Variants in TOGARAM2 observed in about 807,000 individuals in gnomAD.
The protein encoded by TOGARAM2 is TOG array regulator of axonemal microtubules 2.
TOGARAM2 carries 85 observed loss-of-function variants against 93.3 expected under a neutral mutation model. The ratio of observed to expected loss-of-function variants is 0.91; its 90% confidence interval spans 0.76 to 1.09. The LOEUF (loss-of-function observed/expected upper bound fraction) is 1.09, where lower values mean the gene tolerates loss of function less well. Among genes scored for constraint, TOGARAM2 ranks in the 50% least tolerant of loss-of-function variants. The pLI, the probability that TOGARAM2 is intolerant of heterozygous loss-of-function variation, is 0.00. For synonymous variants in TOGARAM2, 593 were observed against 552.8 expected, an observed-to-expected ratio of 1.07 and a Z score of -1.02; for missense variants, 1,277 against 1,334.5, an observed-to-expected ratio of 0.96 and a Z score of 0.67.
rs116536567 is a variant in TOGARAM2 at position 28,988,500 on chromosome 2, G to A, written c.-110-6225G>A. On this transcript the variant is annotated intron_variant, in intron 1 of 19. Coordinates refer to ENST00000379558, the MANE Select transcript of TOGARAM2 (RefSeq NM_199280.4). ...CCTCAGCTGTTAGCACTGGGCTCCCGCTCCATCAGCTCCCCTCCCTCCCCT... is the reference window on the plus strand; with the variant it reads ...CCTCAGCTGTTAGCACTGGGCTCCCACTCCATCAGCTCCCCTCCCTCCCCT... 1.3e-3 allele frequency among the ~76,000 whole-genome samples: 204 copies of A among 152,100 alleles called. 1 individual carries two copies. Among genetic ancestry groups the A allele is most frequent in the African/African-American group, 4.6e-3 (189 of 41,480 alleles).
At position 29,042,432 on chromosome 2, in the gene TOGARAM2, C is replaced by T. The variant is rs535622581; in HGVS notation, c.2636-2892C>T. 2.0e-5 allele frequency among the ~76,000 whole-genome samples: 3 copies of T among 152,324 alleles called. No individual in the cohort carries two copies. The East Asian group carries it at 5.8e-4, about 29-fold the overall frequency. On this transcript the variant is annotated intron_variant, in intron 18 of 19. Transcript: ENST00000379558. ...TCTGGGGAGAGGGGATGTTTGGGGC[C>T]AGAGGCGGGAGCCCCTGCTGTGTCT...
chr2:28,991,428 G>A (rs958129459), intron 1 of TOGARAM2, among the ~76,000 whole-genome samples: 4 of 152,204 alleles, frequency 2.6e-5, no homozygotes, highest in South Asian at 2.1e-4. Context: ...TGTAAACGCT[G>A]CCACCTTTCC....
chr2:29,023,067 G>A lies in TOGARAM2; in HGVS notation c.1512-19G>A, dbSNP rs13420380. 517,564 of 1,568,102 alleles carry A rather than the reference G, an allele frequency of 0.33. 89,747 individuals are homozygous for A. The highest frequency in any genetic ancestry group is 0.72 in the East Asian group (31,115 of 42,972). On this transcript the variant is annotated intron_variant, in intron 11 of 19. Coordinates refer to ENST00000379558, the MANE Select transcript of TOGARAM2 (RefSeq NM_199280.4). The stretch of plus-strand genomic sequence containing the variant: ...TCCCTCTCCACCCTTCTGCAACAGG[G>A]CCTGGCCTTGCTTCTCAGGCAGATG...
chr2:29,011,381 C>G, intron 6 of TOGARAM2, 74 bp from the exon 7 acceptor site: 5 of 1,460,218 alleles, frequency 3.4e-6, no homozygotes, highest in Non-Finnish European at 4.7e-6. Flanking sequence ...ATCCTGGAGC[C>G]ACCCTGGGCT....
At position 29,023,093 on chromosome 2, in the gene TOGARAM2, A is replaced by G. The variant is rs759338516; in HGVS notation, c.1519A>G (p.Lys507Glu). 11 of 1,592,816 alleles carry G rather than the reference A, an allele frequency of 6.9e-6. No individual in the cohort carries two copies. The highest frequency in any genetic ancestry group is 7.7e-6 in the Non-Finnish European group (9 of 1,169,524). ...CCTGGCCTTGCTTCTCAGGCAGATG[A>G]AGGAGAAGGGTCTGGTGAGCATCCA... Reference protein sequence around the residue: ...QCLNSSDWQMKEKGLVSIQRL... With the variant: ...QCLNSSDWQMEEKGLVSIQRL... The change falls in exon 12 of 20, where the codon AAG becomes GAG. Residue 507 changes from lysine (K) to glutamate (E), a missense_variant. Transcript: ENST00000379558.
upstream of TOGARAM2, among the ~76,000 whole-genome samples, chr2:28,979,867 G>A (rs1231930671): frequency 6.6e-6 from 1 of 152,216 alleles, no homozygotes; most frequent in Non-Finnish European, 1.5e-5. Flanking sequence ...GCGACATGCA[G>A]ATGGGCTTTG....
At chr2:29,033,728 C>T (rs964052376) in intron 16 of TOGARAM2, among the ~76,000 whole-genome samples, 165 bp downstream of exon 16, 4 of 152,156 alleles carry the variant, frequency 2.6e-5, no homozygotes, top group African/African-American at 9.6e-5. Context: ...AGGATGTGTT[C>T]CCCCCAACCC....
At chr2:29,008,748 C>T (rs903222890) in intron 6 of TOGARAM2, among the ~76,000 whole-genome samples, 50 of 152,352 alleles carry the variant, frequency 3.3e-4, no homozygotes, top group African/African-American at 7.0e-4. Flanking sequence ...GAAGCCACCG[C>T]ACCTGGCCAG....
intron 14 of TOGARAM2, 28 bp from the exon 15 acceptor site, chr2:29,032,902 GTTTC>G: frequency 6.3e-7 from 1 of 1,582,868 alleles, no homozygotes; most frequent in Non-Finnish European, 8.6e-7. Context: ...TTCAGAGGCT[GTTTC>G]TTTATCTTGC....
chr2:28,996,065 C>T (rs986701420), intron 2 of TOGARAM2, among the ~76,000 whole-genome samples: 15 of 152,166 alleles, frequency 9.9e-5, no homozygotes, highest in African/African-American at 2.9e-4. Flanking sequence ...CAGGGCTGTG[C>T]CTGGGGCTGT....
At chr2:28,994,655 G>A (rs1007953646) in intron 1 of TOGARAM2, 70 bp from the exon 2 acceptor site, 3 of 564,256 alleles carry the variant, frequency 5.3e-6, no homozygotes, top group African/African-American at 3.8e-5. Flanking sequence ...CCCCTGAAGG[G>A]CTTTTTGTGA....
chr2:28,960,152 T>G (rs1011041267), intron 1 of TOGARAM2, among the ~76,000 whole-genome samples: 10 of 152,242 alleles, frequency 6.6e-5, no homozygotes, highest in African/African-American at 2.4e-5. Flanking sequence ...CATGACTATA[T>G]TTGGCTATAT....
Position 29,002,753 on chromosome 2 carries a change from G to A in TOGARAM2, c.639+6G>A. ...TGAGACCCGGTGCTCAGGAGGTAAG[G>A]TGGTTCGACTGCTGTGAGTCTGGTC... On this transcript the variant is annotated splice_donor_region_variant and intron_variant, in intron 5 of 19. Transcript: ENST00000379558. 3 of 1,611,888 alleles carry A rather than the reference G, an allele frequency of 1.9e-6. No homozygotes were observed. Among genetic ancestry groups the A allele is most frequent in the Non-Finnish European group, 2.5e-6 (3 of 1,178,948 alleles).
At chr2:28,993,553 G>T (rs1029828378) in intron 1 of TOGARAM2, among the ~76,000 whole-genome samples, 1 of 152,242 alleles carries the variant, frequency 6.6e-6, no homozygotes, top group Non-Finnish European at 1.5e-5. Flanking sequence ...TTTCACCACC[G>T]TGTGGCCACA....
At chr2:28,989,836 C>T (rs1169087068) in intron 1 of TOGARAM2, among the ~76,000 whole-genome samples, 6 of 152,248 alleles carry the variant, frequency 3.9e-5, no homozygotes, top group African/African-American at 1.4e-4. Flanking sequence ...GTTAAAAGAG[C>T]TGGGGCTCAG....
chr2:29,009,379 A>C (rs1324478895), intron 6 of TOGARAM2, among the ~76,000 whole-genome samples: 1 of 152,142 alleles, frequency 6.6e-6, no homozygotes, highest in Non-Finnish European at 1.5e-5. Flanking sequence ...TGAAAGTGGC[A>C]TCTGCTGTGA....
intron 18 of TOGARAM2, among the ~76,000 whole-genome samples, chr2:29,037,130 G>C (rs1168203960): frequency 2.6e-5 from 4 of 152,260 alleles, no homozygotes; most frequent in Non-Finnish European, 4.4e-5. Flanking sequence ...GGCAGGGAGG[G>C]AAAGTGGAGG....
intron 6 of TOGARAM2, among the ~76,000 whole-genome samples, chr2:29,006,285 A>G (rs1283692037): frequency 1.7e-5 from 2 of 120,616 alleles, no homozygotes; most frequent in African/African-American, 6.5e-5. Flanking sequence ...GTGTGCATGT[A>G]TGTGTGCATG....
chr2:28,965,740 C>T (rs1671858241), intron 1 of TOGARAM2, among the ~76,000 whole-genome samples: 1 of 152,198 alleles, frequency 6.6e-6, no homozygotes, highest in African/African-American at 2.4e-5. Context: ...TCTCTAAGAG[C>T]TCTGCCGTAT....
Sources: allele counts gnomAD v4.1 joint callset (sites outside exome capture counted in the v4.1 genomes callset), GRCh38; gene constraint gnomAD v4.1.1; transcripts MANE v1.5; gene names NCBI Gene and HGNC (gene_info 2026-07-23, HGNC 2026-07-21).